GRAMD4: variants seen among roughly 807,000 people sequenced by gnomAD.
GRAMD4 encodes GRAM domain containing 4, also known as GRAM domain-containing protein 4.
GRAMD4 carries 25 observed loss-of-function variants against 83.9 expected under a neutral mutation model. That is an observed-to-expected ratio of 0.30 (90% confidence interval 0.22 to 0.42). GRAMD4 has a LOEUF of 0.42. Ranked by LOEUF, GRAMD4 falls within the 10% of genes least tolerant of loss-of-function variation. The probability of loss-of-function intolerance (pLI) is 1.00; values close to 1 mark genes in which losing one functional copy is unlikely to be tolerated. For synonymous variants in GRAMD4, 336 were observed against 320.9 expected (o/e 1.05, Z -0.50); for missense variants, 593 against 788.7 (o/e 0.75, Z 2.97).
chr22:46,577,988 A>G (rs1038451374), intron 1 of GRAMD4, among the ~76,000 whole-genome samples: 5 of 152,092 alleles, frequency 3.3e-5, no homozygotes, highest in African/African-American at 1.2e-4. Flanking sequence ...GAGGAGAGCC[A>G]GTTTGTTCTC....
intron 2 of GRAMD4, among the ~76,000 whole-genome samples, chr22:46,627,167 G>T (rs1199085793): frequency 1.3e-5 from 2 of 152,244 alleles, no homozygotes; most frequent in Non-Finnish European, 2.9e-5. Flanking sequence ...TGTGTTCGCA[G>T]GTCTGATTAG....
chr22:46,677,922 T>A lies in GRAMD4; in HGVS notation c.*671T>A, dbSNP rs1036830455. ...ACCCCTCGCCTGCCCTCAGTGTCTT[T>A]GGTGGCACCTTCCTTGCTGGCCTCC... On this transcript the variant is annotated 3_prime_UTR_variant, in exon 19 of 19. Coordinates refer to ENST00000406902, the MANE Select transcript of GRAMD4 (RefSeq NM_015124.5). 1 of 985,018 alleles carries A rather than the reference T, an allele frequency of 1.0e-6. No individual in the cohort carries two copies. Among genetic ancestry groups the A allele is most frequent in the African/African-American group, 1.7e-5 (1 of 57,238 alleles). The allele number at this position is 985,018 out of a possible 1,614,324, so 61.0% of individuals were successfully genotyped here.
intron 11 of GRAMD4, 68 bp downstream of exon 11, chr22:46,668,235 A>T (rs1164585567): frequency 1.8e-6 from 2 of 1,133,960 alleles, no homozygotes; most frequent in Admixed American, 3.8e-5. Context: ...GGGTGTGTCT[A>T]CGCCGGCCAG....
chr22:46,673,058 C>T (rs1334149126), intron 14 of GRAMD4, 61 bp downstream of exon 14: 2 of 1,346,338 alleles, frequency 1.5e-6, no homozygotes, highest in Non-Finnish European at 2.0e-6. Context: ...CGGGCATCCC[C>T]AGGCCCACAG....
At chr22:46,660,192 C>T (rs1008392970) in intron 4 of GRAMD4, among the ~76,000 whole-genome samples, 1 of 152,212 alleles carries the variant, frequency 6.6e-6, no homozygotes, top group Non-Finnish European at 1.5e-5. Flanking sequence ...CCATCTCGCA[C>T]AGTCTCTGCC....
downstream of GRAMD4, chr22:46,679,920 G>A (rs941203997): frequency 1.3e-4 from 36 of 282,842 alleles, no homozygotes; most frequent in Middle Eastern, 3.4e-3. Context: ...GCCGGCGGCG[G>A]GGCGTTTGGG....
chr22:46,626,274 G>A (rs911537104), intron 1 of GRAMD4, among the ~76,000 whole-genome samples: 1 of 152,336 alleles, frequency 6.6e-6, no homozygotes, highest in Admixed American at 6.5e-5. Flanking sequence ...TGTGGCCGTC[G>A]TGTTGACCAC....
intron 8 of GRAMD4, 37 bp from the exon 9 acceptor site, chr22:46,665,578 C>G: frequency 8.7e-7 from 1 of 1,148,732 alleles, no homozygotes; most frequent in South Asian, 1.2e-5. Context: ...CTGATCCAAG[C>G]TGTCAGGAGG....
intron 16 of GRAMD4, among the ~76,000 whole-genome samples, chr22:46,675,216 C>T (rs1364589297): frequency 1.3e-5 from 2 of 151,030 alleles, no homozygotes; most frequent in Admixed American, 6.6e-5. Context: ...GAGCAGTGGC[C>T]GTGTCTCACT....
intron 2 of GRAMD4, among the ~76,000 whole-genome samples, chr22:46,627,737 C>G (rs2081690235): frequency 6.6e-6 from 1 of 152,254 alleles, no homozygotes; most frequent in Non-Finnish European, 1.5e-5. Flanking sequence ...CGCCGGCCTT[C>G]CCTGGCTCCT....
Position 46,635,841 on chromosome 22 carries a change from C to T in GRAMD4, c.163-1999C>T, listed in dbSNP as rs577839654. Among the ~76,000 whole-genome samples, 227 of 146,316 alleles carry T rather than the reference C, an allele frequency of 1.6e-3. 1 individual carries two copies. The highest frequency in any genetic ancestry group is 6.5e-3 in the Admixed American group (93 of 14,224). ...ATGACTCTGGAGCAGGTCCCAGGCA[C>T]GTTCTCATTCTGTCTGAAACACGCC... On this transcript the variant is annotated intron_variant, in intron 2 of 18. Transcript: ENST00000406902.
rs62233590 is a variant in GRAMD4 at position 46,622,335 on chromosome 22, G to A, written c.-50+1770G>A. Among the ~76,000 whole-genome samples the A allele has an allele frequency of 1.4e-3, 209 of 152,304 alleles. No individual in the cohort carries two copies. Among genetic ancestry groups the A allele is most frequent in the Middle Eastern group, 3.4e-3 (1 of 294 alleles). On this transcript the variant is annotated intron_variant, in intron 1 of 18. Coordinates refer to ENST00000406902, the MANE Select transcript of GRAMD4 (RefSeq NM_015124.5). The surrounding 1 kb of genome is among the most constrained non-coding windows in gnomAD (Gnocchi z 4.0). ...CTACACAGGGCCTGCAGGCCCCAGC[G>A]CCCGGGTCATCCCCTCCGCTTCCCT...
chr22:46,657,325 G>C (rs2082258579), intron 3 of GRAMD4, among the ~76,000 whole-genome samples: 1 of 152,248 alleles, frequency 6.6e-6, no homozygotes, highest in Non-Finnish European at 1.5e-5. Context: ...GGAGGGCAGT[G>C]GGGGAGAAGC....
At chr22:46,664,186 G>C in intron 8 of GRAMD4, 69 bp downstream of exon 8, 1 of 1,123,864 alleles carries the variant, frequency 8.9e-7, no homozygotes, top group Non-Finnish European at 1.4e-6. Flanking sequence ...CACATGATCA[G>C]GCACCTTCCC....
At chr22:46,578,611 G>A (rs1052653334) in intron 1 of GRAMD4, among the ~76,000 whole-genome samples, 1 of 152,158 alleles carries the variant, frequency 6.6e-6, no homozygotes, top group African/African-American at 2.4e-5. Flanking sequence ...TGACTTTTGT[G>A]TCCCAGGCCC....
At chr22:46,664,225 T>A in intron 8 of GRAMD4, 108 bp downstream of exon 8, 3 of 785,150 alleles carry the variant, frequency 3.8e-6, no homozygotes, top group Non-Finnish European at 6.8e-6. Context: ...CAGGTGGCAC[T>A]TCCTCAGGCC....
chr22:46,661,350 C>T (rs747163535), intron 4 of GRAMD4, 31 bp from the exon 5 acceptor site: 1 of 1,588,570 alleles, frequency 6.3e-7, no homozygotes, highest in Non-Finnish European at 8.6e-7. Flanking sequence ...AACTAACAGA[C>T]CTCTTGTCTC....
intron 1 of GRAMD4, among the ~76,000 whole-genome samples, chr22:46,587,045 C>T (rs2081157630): frequency 6.6e-6 from 1 of 152,230 alleles, no homozygotes; most frequent in South Asian, 2.1e-4. Context: ...TGCTGATGGT[C>T]GCCTACTTCC....
At chr22:46,645,746 C>T (rs2147265060) in intron 3 of GRAMD4, among the ~76,000 whole-genome samples, 1 of 152,276 alleles carries the variant, frequency 6.6e-6, no homozygotes, top group East Asian at 1.9e-4. Flanking sequence ...TGGCTCATGG[C>T]TGAAGGCAGG....
Sources: allele counts gnomAD v4.1 joint callset (sites outside exome capture counted in the v4.1 genomes callset), GRCh38; gene constraint gnomAD v4.1.1; non-coding constraint Gnocchi (gnomAD v3.1); transcripts MANE v1.5; gene names NCBI Gene and HGNC (gene_info 2026-07-23, HGNC 2026-07-21).